KCNK9: variants seen among roughly 807,000 people sequenced by gnomAD.
KCNK9 encodes potassium two pore domain channel subfamily K member 9, also known as potassium channel subfamily K member 9.
Under a neutral mutation model 10.8 loss-of-function variants are expected in KCNK9, and 1 was observed. That is an observed-to-expected ratio of 0.09 (90% CI 0.03 to 0.44). The LOEUF (loss-of-function observed/expected upper bound fraction) is 0.44. KCNK9 is among the 20% of genes least tolerant of loss of function. The pLI is 0.97. For synonymous variants in KCNK9, 231 were observed against 222.7 expected, an observed-to-expected ratio of 1.04 and a Z score of -0.33; for missense variants, 303 against 515.0, an observed-to-expected ratio of 0.59 and a Z score of 3.98.
At chr8:139,638,156 C>T (rs977293391) in intron 1 of KCNK9, among the ~76,000 whole-genome samples, 1 of 151,928 alleles carries the variant, frequency 6.6e-6, no homozygotes, top group Non-Finnish European at 1.5e-5. Context: ...AGACATCAAG[C>T]TCCTTATTCA....
At chr8:139,654,390 C>T (rs946875155) in intron 1 of KCNK9, among the ~76,000 whole-genome samples, 6 of 152,146 alleles carry the variant, frequency 3.9e-5, no homozygotes, top group African/African-American at 1.4e-4. Context: ...CCTGCCAGGC[C>T]TCCCAAGGAC....
chr8:139,644,715 T>TCCC lies in KCNK9; in HGVS notation c.284-25619_284-25617dup, dbSNP rs10577985. 5.1e-4 allele frequency among the ~76,000 whole-genome samples: 68 copies of TCCC among 132,432 alleles called. 2 individuals are homozygous for TCCC. Among genetic ancestry groups the TCCC allele is most frequent in the East Asian group, 1.0e-3 (5 of 4,872 alleles). The allele number at this position is 132,432 out of a possible 152,430, so 86.9% of individuals were successfully genotyped here. On this transcript the variant is annotated intron_variant, in intron 1 of 1. Coordinates refer to ENST00000520439, the MANE Select transcript of KCNK9 (RefSeq NM_001282534.2). ...TGCTCCCTGGGGTGCTCCTGCCCTG[T>TCCC]CCCCCCCCCCCAGAGCCTCCCACTG...
chr8:139,616,907 A>AC (rs34616673), downstream of KCNK9: 97,452 of 151,884 alleles, frequency 0.64, 31,645 homozygotes, highest in African/African-American at 0.74. Flanking sequence ...AGCCTGAACT[A>AC]CCCCACCACC....
At chr8:139,648,924 A>C (rs1234275476) in intron 1 of KCNK9, among the ~76,000 whole-genome samples, 1 of 152,200 alleles carries the variant, frequency 6.6e-6, no homozygotes, top group Non-Finnish European at 1.5e-5. Flanking sequence ...GTGACAGGTA[A>C]TCATCTTAGC....
At chr8:139,696,715 A>ATGGATGGG (rs76650371) in intron 1 of KCNK9, among the ~76,000 whole-genome samples, 9 of 149,712 alleles carry the variant, frequency 6.0e-5, no homozygotes, top group Non-Finnish European at 1.2e-4. Flanking sequence ...GGATGGATGG[A>ATGGATGGG]TGAGTGGGTG....
chr8:139,673,262 G>T (rs1450849328), intron 1 of KCNK9, among the ~76,000 whole-genome samples: 1 of 151,872 alleles, frequency 6.6e-6, no homozygotes, highest in Non-Finnish European at 1.5e-5. Context: ...TGAATAAAAG[G>T]TTCTAAAATC....
intron 1 of KCNK9, among the ~76,000 whole-genome samples, chr8:139,697,169 T>C (rs1341544926): frequency 7.1e-6 from 1 of 140,978 alleles, no homozygotes; most frequent in African/African-American, 2.6e-5. Context: ...GGTAGATGGG[T>C]GGGTGGACAG....
intron 1 of KCNK9, among the ~76,000 whole-genome samples, chr8:139,628,763 A>G (rs1239748757): frequency 6.6e-6 from 1 of 152,246 alleles, no homozygotes; most frequent in African/African-American, 2.4e-5. Flanking sequence ...TATATAAAAT[A>G]TATTTCTAAA....
At chr8:139,649,771 G>C (rs2129670642) in intron 1 of KCNK9, among the ~76,000 whole-genome samples, 1 of 152,322 alleles carries the variant, frequency 6.6e-6, no homozygotes, top group African/African-American at 2.4e-5. Flanking sequence ...TAACCTCTCT[G>C]CCTCAATCAT....
At chr8:139,682,062 A>C (rs1816700101) in intron 1 of KCNK9, among the ~76,000 whole-genome samples, 1 of 152,196 alleles carries the variant, frequency 6.6e-6, no homozygotes, top group Non-Finnish European at 1.5e-5. Context: ...CTGAGTGGGG[A>C]GCACGAGGGG....
intron 1 of KCNK9, among the ~76,000 whole-genome samples, chr8:139,635,820 T>C (rs1815321406): frequency 1.3e-5 from 2 of 152,196 alleles, no homozygotes; most frequent in South Asian, 4.1e-4. Flanking sequence ...TTTTCCTGAA[T>C]ACCTCTCCTC....
intron 2 of KCNK9, among the ~76,000 whole-genome samples, chr8:139,605,081 G>C (rs569994332): frequency 6.6e-6 from 1 of 152,354 alleles, no homozygotes; most frequent in South Asian, 2.1e-4. Flanking sequence ...AGCTCCTATG[G>C]AGCTGGAAGG....
intron 1 of KCNK9, among the ~76,000 whole-genome samples, chr8:139,652,631 A>G (rs1034280142): frequency 2.0e-5 from 3 of 152,166 alleles, no homozygotes; most frequent in African/African-American, 7.2e-5. Flanking sequence ...GGCTGATTCA[A>G]TGGTTATTTG....
intron 1 of KCNK9, among the ~76,000 whole-genome samples, chr8:139,645,597 C>G (rs1273047520): frequency 6.6e-6 from 1 of 152,190 alleles, no homozygotes; most frequent in Non-Finnish European, 1.5e-5. Context: ...GGGCCCAGAG[C>G]AGGTGCTAGG....
chr8:139,628,929 AG>A (rs1239417378), intron 1 of KCNK9, among the ~76,000 whole-genome samples: 1 of 152,114 alleles, frequency 6.6e-6, no homozygotes, highest in African/African-American at 2.4e-5. Flanking sequence ...TGCCTGGCCC[AG>A]GGTTGCACTG....
intron 1 of KCNK9, among the ~76,000 whole-genome samples, chr8:139,677,335 A>G (rs1009541160): frequency 1.3e-5 from 2 of 152,068 alleles, no homozygotes; most frequent in Non-Finnish European, 2.9e-5. Flanking sequence ...GAACTGGACA[A>G]TGCTGGACTT....
downstream of KCNK9, among the ~76,000 whole-genome samples, chr8:139,610,671 G>T (rs1814393842): frequency 6.6e-6 from 1 of 152,212 alleles, no homozygotes; most frequent in Non-Finnish European, 1.5e-5. Context: ...TATGGGGGGA[G>T]GACCCAGGAG....
intron 1 of KCNK9, among the ~76,000 whole-genome samples, chr8:139,638,109 G>A (rs1410211774): frequency 6.6e-6 from 1 of 151,808 alleles, no homozygotes; most frequent in Admixed American, 6.6e-5. Flanking sequence ...CCGTTAGCTG[G>A]AATCTCTCTA....
chr8:139,662,113 T>A (rs1431258715), intron 1 of KCNK9, among the ~76,000 whole-genome samples: 1 of 152,068 alleles, frequency 6.6e-6, no homozygotes, highest in Non-Finnish European at 1.5e-5. Flanking sequence ...GGGGCCCACC[T>A]CTCCCCCACC....
Sources: allele counts gnomAD v4.1 joint callset (sites outside exome capture counted in the v4.1 genomes callset), GRCh38; gene constraint gnomAD v4.1.1; transcripts MANE v1.5; gene names NCBI Gene and HGNC (gene_info 2026-07-23, HGNC 2026-07-21).